Variants in PSMD5 observed in about 807,000 individuals in gnomAD.
PSMD5 encodes proteasome 26S subunit, non-ATPase 5.
A neutral mutation model predicts 52.1 loss-of-function variants in PSMD5; 40 were observed. The ratio of observed to expected loss-of-function variants is 0.77; its 90% CI spans 0.60 to 1.00. PSMD5 has a LOEUF of 1.00. Among genes scored for constraint, PSMD5 ranks in the 50% least tolerant of loss-of-function variants. The pLI is 0.00. For synonymous variants in PSMD5, 211 were observed against 226.6 expected (o/e 0.93, Z 0.62); for missense variants, 575 against 605.2 (o/e 0.95, Z 0.52).
At position 120,833,459 on chromosome 9, in the gene PSMD5, G is replaced by A; in HGVS notation, c.174-3C>T. The A allele has an allele frequency of 6.2e-7, 1 of 1,612,022 alleles. No individual in the cohort carries two copies. ...ATACACACAAAGTAGTCTTTTCCCT[G>A]AAGGAGACATCATAAATCTTATTAG... On this transcript the variant is annotated splice_region_variant and splice_polypyrimidine_tract_variant and intron_variant, in intron 1 of 9. Transcript: ENST00000210313.
intron 1 of PSMD5, among the ~76,000 whole-genome samples, chr9:120,841,404 C>T (rs2045234618): frequency 6.6e-6 from 1 of 152,038 alleles, no homozygotes; most frequent in Non-Finnish European, 1.5e-5. Context: ...ATGGTGAAAC[C>T]CCGTCTCTAC....
At position 120,826,755 on chromosome 9, in the gene PSMD5, T is replaced by C. The variant is rs1281478255; in HGVS notation, c.814+10A>G. 6.2e-7 allele frequency: 1 copy of C among 1,612,712 alleles called. No homozygotes were observed. On this transcript the variant is annotated intron_variant, in intron 6 of 9. Transcript: ENST00000210313. ...GCACCATCATTTCCATAGGCATCAG[T>C]GTTCCTTACCTGGCAGATAGAAGCT...
intron 7 of PSMD5, chr9:120,824,038 G>A (rs2045104211): frequency 6.0e-6 from 1 of 166,528 alleles, no homozygotes; most frequent in Non-Finnish European, 1.3e-5. Context: ...TCAAGAGGAT[G>A]AGGCAGGAGG....
At chr9:120,839,207 G>A (rs1460827965) in intron 1 of PSMD5, among the ~76,000 whole-genome samples, 2 of 151,976 alleles carry the variant, frequency 1.3e-5, no homozygotes, top group Non-Finnish European at 2.9e-5. Flanking sequence ...ATGGTAGCTG[G>A]AGCAGATGAA....
At chr9:120,837,420 A>G (rs2045206085) in intron 1 of PSMD5, among the ~76,000 whole-genome samples, 1 of 152,194 alleles carries the variant, frequency 6.6e-6, no homozygotes, top group African/African-American at 2.4e-5. Context: ...GTAGTGGAGC[A>G]ATCACAGGTC....
At chr9:120,820,787 C>G in intron 9 of PSMD5, 52 bp downstream of exon 9, 1 of 1,503,954 alleles carries the variant, frequency 6.6e-7, no homozygotes, top group Admixed American at 2.5e-5. Flanking sequence ...GTTAAGTACT[C>G]AAGTGTTGAG....
chr9:120,820,783 T>C, intron 9 of PSMD5, 56 bp downstream of exon 9: 1 of 1,495,512 alleles, frequency 6.7e-7, no homozygotes, highest in South Asian at 1.5e-5. Flanking sequence ...CACTGTTAAG[T>C]ACTCAAGTGT....
At chr9:120,831,717 C>A in intron 3 of PSMD5, 115 bp downstream of exon 3, 1 of 1,442,396 alleles carries the variant, frequency 6.9e-7, no homozygotes. Context: ...GTTGTAAATT[C>A]CATTACGCAA....
chr9:120,839,199 G>A (rs1417525158), intron 1 of PSMD5, among the ~76,000 whole-genome samples: 2 of 152,110 alleles, frequency 1.3e-5, no homozygotes, highest in African/African-American at 4.8e-5. Context: ...GGTGCCACAT[G>A]GTAGCTGGAG....
chr9:120,819,723 C>T (rs2045070216), intron 9 of PSMD5, among the ~76,000 whole-genome samples: 1 of 152,076 alleles, frequency 6.6e-6, no homozygotes, highest in African/African-American at 2.4e-5. Context: ...CGTAGGCTAG[C>T]TGCTCGGGAG....
At chr9:120,835,795 A>G (rs889128138) in intron 1 of PSMD5, among the ~76,000 whole-genome samples, 2 of 152,088 alleles carry the variant, frequency 1.3e-5, no homozygotes, top group Non-Finnish European at 2.9e-5. Context: ...AACGGGGAAG[A>G]GGAGGAATGA....
rs761260754 is a variant in PSMD5 at position 120,842,922 on chromosome 9, C to A, written c.-13G>T. 24 of 1,566,480 alleles carry A rather than the reference C, an allele frequency of 1.5e-5. No homozygotes were observed. Among genetic ancestry groups the A allele is most frequent in the Admixed American group, 5.3e-5 (3 of 56,122 alleles). ...CCTGGGCTGCCATCTTGCCCCCCGACGCAGGGGCTGGCCCAGCGGCCCAGT... is the reference window on the plus strand; with the variant it reads ...CCTGGGCTGCCATCTTGCCCCCCGAAGCAGGGGCTGGCCCAGCGGCCCAGT... On this transcript the variant is annotated 5_prime_UTR_variant, in exon 1 of 10. Transcript: ENST00000210313.
intron 9 of PSMD5, among the ~76,000 whole-genome samples, chr9:120,819,606 G>A (rs985492049): frequency 3.9e-5 from 6 of 152,162 alleles, no homozygotes; most frequent in African/African-American, 9.7e-5. Context: ...AGGCCGAGGC[G>A]GGCGGATCAC....
Position 120,842,751 on chromosome 9 carries a change from A to T in PSMD5, c.159T>A (p.Leu53=). The change falls in exon 1 of 10, where the codon CTT becomes CTA. Residue 53 remains leucine, a synonymous_variant. Transcript: ENST00000210313. ...GGTCCTCTCACCTATGGTTCTCGTT[A>T]AGCAGGGAGAAGAGCGGGCCGAGGC... ...ELRLGPLFSL[L]NENHREKTTL... 6.2e-7 allele frequency: 1 copy of T among 1,613,276 alleles called. No homozygotes were observed. The highest frequency in any genetic ancestry group is 8.5e-7 in the Non-Finnish European group (1 of 1,180,004).
intron 1 of PSMD5, among the ~76,000 whole-genome samples, chr9:120,834,943 A>G (rs2045188445): frequency 6.6e-6 from 1 of 152,248 alleles, no homozygotes; most frequent in African/African-American, 2.4e-5. Flanking sequence ...AGATGTTTTC[A>G]GAACAATTTT....
chr9:120,838,035 T>G (rs1196161844), intron 1 of PSMD5, among the ~76,000 whole-genome samples: 1 of 152,264 alleles, frequency 6.6e-6, no homozygotes. Flanking sequence ...TCCATTTGTA[T>G]GATCCCTTCC....
At chr9:120,829,792 A>G (rs2045147573) in intron 4 of PSMD5, among the ~76,000 whole-genome samples, 1 of 152,214 alleles carries the variant, frequency 6.6e-6, no homozygotes, top group Non-Finnish European at 1.5e-5. Context: ...ATCAGCCACA[A>G]CAAACAGATT....
intron 4 of PSMD5, among the ~76,000 whole-genome samples, chr9:120,830,433 G>A (rs910866418): frequency 3.9e-5 from 6 of 152,204 alleles, no homozygotes; most frequent in African/African-American, 7.2e-5. Flanking sequence ...GAAATCATAA[G>A]TGAGTAAAAC....
chr9:120,834,771 T>C (rs139275304), intron 1 of PSMD5, among the ~76,000 whole-genome samples: 6 of 152,360 alleles, frequency 3.9e-5, no homozygotes, highest in South Asian at 2.1e-4. Context: ...ATCTGACTTA[T>C]AGAATTCACT....
Sources: gnomAD v4.1 joint callset for allele counts (sites outside exome capture counted in the v4.1 genomes callset) on GRCh38, gnomAD v4.1.1 for gene constraint, MANE v1.5 for transcripts, NCBI Gene and HGNC (gene_info 2026-07-23, HGNC 2026-07-21) for gene names.